ZNF569: variants seen among roughly 807,000 people sequenced by gnomAD.
ZNF569 encodes zinc finger protein 569, also known as DNA-binding protein.
In ZNF569, 38 loss-of-function variants were observed where a neutral mutation model predicts 56.3. The ratio of observed to expected loss-of-function variants is 0.68; its 90% CI spans 0.52 to 0.88. The LOEUF (loss-of-function observed/expected upper bound fraction) is 0.88, where lower values mean the gene tolerates loss of function less well. Among genes scored for constraint, ZNF569 ranks in the 40% least tolerant of loss-of-function variants. The pLI, the probability that ZNF569 is intolerant of heterozygous loss-of-function variation, is 0.00. For missense variants in ZNF569, 666 were observed against 809.2 expected, an observed-to-expected ratio of 0.82 and a Z score of 2.15; for synonymous variants, 241 against 262.9, an observed-to-expected ratio of 0.92 and a Z score of 0.81.
At position 37,441,650 on chromosome 19, in the gene ZNF569, T is replaced by C. The variant is rs550493674; in HGVS notation, c.15+3257A>G. ...CAGCCTGGGTGACAGAGTAAGACCCTGTTTCAAAAAAAAAAAAAGAAGGCA... is the reference window on the plus strand; with the variant it reads ...CAGCCTGGGTGACAGAGTAAGACCCCGTTTCAAAAAAAAAAAAAGAAGGCA... On this transcript the variant is annotated intron_variant, in intron 3 of 5. Transcript: ENST00000316950. Among the ~76,000 whole-genome samples, 350 of 151,218 alleles carry C rather than the reference T, an allele frequency of 2.3e-3. 7 individuals carry two copies. Among genetic ancestry groups the C allele is most frequent in the Middle Eastern group, 3.4e-3 (1 of 294 alleles).
At chr19:37,451,288 T>A (rs2041587743) in intron 2 of ZNF569, among the ~76,000 whole-genome samples, 1 of 151,220 alleles carries the variant, frequency 6.6e-6, no homozygotes, top group Non-Finnish European at 1.5e-5. Context: ...TAATCTCAGC[T>A]ACTCGGGAGG....
chr19:37,422,182 T>G (rs963243204), intron 5 of ZNF569, among the ~76,000 whole-genome samples: 4 of 152,230 alleles, frequency 2.6e-5, no homozygotes, highest in Non-Finnish European at 5.9e-5. Flanking sequence ...AGCTTTTAAT[T>G]TAAAGTGAGA....
At chr19:37,439,914 TAGTG>T (rs1313256714) in intron 3 of ZNF569, among the ~76,000 whole-genome samples, 1 of 152,118 alleles carries the variant, frequency 6.6e-6, no homozygotes, top group Admixed American at 6.6e-5. Context: ...CTAGGAAGGA[TAGTG>T]GGTGGGGGAA....
At chr19:37,423,548 G>A (rs1369083739) in intron 5 of ZNF569, among the ~76,000 whole-genome samples, 1 of 152,036 alleles carries the variant, frequency 6.6e-6, no homozygotes, top group Non-Finnish European at 1.5e-5. Flanking sequence ...TCTCCTATAG[G>A]AACAGATTGT....
chr19:37,461,627 C>T (rs1161776341), intron 2 of ZNF569, among the ~76,000 whole-genome samples: 3 of 152,050 alleles, frequency 2.0e-5, no homozygotes, highest in Non-Finnish European at 4.4e-5. Context: ...TCTCACCTTA[C>T]TTCCTCTAAT....
chr19:37,427,474 T>C (rs1217687749), intron 3 of ZNF569, among the ~76,000 whole-genome samples: 2 of 152,070 alleles, frequency 1.3e-5, no homozygotes, highest in African/African-American at 4.8e-5. Flanking sequence ...GCACTCAGCC[T>C]GGAAAAAAGG....
chr19:37,465,990 A>G (rs2041825838), intron 1 of ZNF569, among the ~76,000 whole-genome samples: 2 of 152,252 alleles, frequency 1.3e-5, no homozygotes, highest in Non-Finnish European at 1.5e-5. Flanking sequence ...TTGTTAAACA[A>G]GAAAGGTTGG....
chr19:37,455,814 GATATAAGGGCTGGACCCACTT>G (rs1457090321), intron 2 of ZNF569, among the ~76,000 whole-genome samples: 1 of 152,114 alleles, frequency 6.6e-6, no homozygotes. Context: ...ATGAAAGAAG[GATATAAGGGCTGGACCCACTT>G]ATATAAGGGC....
intron 2 of ZNF569, among the ~76,000 whole-genome samples, chr19:37,459,283 C>CAA (rs35532078): frequency 1.3e-4 from 19 of 149,162 alleles, no homozygotes; most frequent in South Asian, 4.2e-4. Context: ...AAAACAACAA[C>CAA]AAAAAAAAAC....
At position 37,458,545 on chromosome 19, in the gene ZNF569, G is replaced by A. The variant is rs561727024; in HGVS notation, c.-44+6768C>T. Among the ~76,000 whole-genome samples the A allele has an allele frequency of 7.2e-5, 11 of 152,224 alleles. No homozygotes were observed. In the South Asian group the frequency reaches 1.7e-3, roughly 23 times the overall value. ...ACTTTATCATTTGATTGGGATATCC[G>A]TCTATGTAGATCTATTTGTACTTCT... On this transcript the variant is annotated intron_variant, in intron 2 of 5. Transcript: ENST00000316950.
chr19:37,432,847 T>G (rs1053917756), intron 3 of ZNF569, among the ~76,000 whole-genome samples: 1 of 148,488 alleles, frequency 6.7e-6, no homozygotes, highest in South Asian at 2.1e-4. Flanking sequence ...TTCAAAAGAA[T>G]AGAGCCGAAA....
At chr19:37,442,033 T>C (rs556179276) in intron 3 of ZNF569, among the ~76,000 whole-genome samples, 1 of 152,318 alleles carries the variant, frequency 6.6e-6, no homozygotes, top group East Asian at 1.9e-4. Context: ...GCATTAAAAT[T>C]AGTTTTTTCA....
In ZNF569 at chr19:37,412,671, G is replaced by A; in HGVS notation, c.1987C>T (p.His663Tyr). The change falls in exon 6 of 6, where the codon CAC becomes TAC. Residue 663 changes from histidine to tyrosine, a missense_variant. By Grantham distance (83) the His-to-Tyr change is moderately conservative. Transcript: ENST00000316950. ...MRKHTGEKPY[H>Y]CIECGKAFSQ... ...AAAGCCTTGCCACACTCAATACAGTGATAGGGCTTCTCACCTGTATGTTTT... is the reference window on the plus strand; with the variant it reads ...AAAGCCTTGCCACACTCAATACAGTAATAGGGCTTCTCACCTGTATGTTTT... 6.2e-7 allele frequency: 1 copy of A among 1,614,022 alleles called. No individual in the cohort carries two copies. The highest frequency in any genetic ancestry group is 1.1e-5 in the South Asian group (1 of 91,058).
At chr19:37,427,966 T>C (rs1335814193) in intron 3 of ZNF569, among the ~76,000 whole-genome samples, 2 of 152,180 alleles carry the variant, frequency 1.3e-5, no homozygotes, top group Non-Finnish European at 2.9e-5. Context: ...CTGCAGACTT[T>C]TTCCTCAGGA....
intron 3 of ZNF569, among the ~76,000 whole-genome samples, chr19:37,441,174 A>C (rs1313382239): frequency 1.3e-5 from 2 of 152,224 alleles, no homozygotes; most frequent in Non-Finnish European, 2.9e-5. Context: ...GAGGAAACAA[A>C]GGCCTTGAAG....
At chr19:37,447,295 A>C (rs1002466439) in intron 2 of ZNF569, among the ~76,000 whole-genome samples, 3 of 152,226 alleles carry the variant, frequency 2.0e-5, no homozygotes, top group Non-Finnish European at 4.4e-5. Flanking sequence ...TTGCACATGC[A>C]TGTTTATAGC....
intron 2 of ZNF569, among the ~76,000 whole-genome samples, chr19:37,448,147 A>G (rs563650855): frequency 2.0e-5 from 3 of 152,282 alleles, no homozygotes; most frequent in East Asian, 3.9e-4. Flanking sequence ...GTTTGTATAG[A>G]ATCATTAGAA....
intron 2 of ZNF569, among the ~76,000 whole-genome samples, chr19:37,447,720 T>C (rs543176967): frequency 1.3e-5 from 2 of 152,348 alleles, no homozygotes; most frequent in East Asian, 3.9e-4. Context: ...TTAACTGTAA[T>C]GTAGCTCTAG....
intron 2 of ZNF569, among the ~76,000 whole-genome samples, chr19:37,446,379 C>T (rs1465631856): frequency 6.6e-6 from 1 of 151,882 alleles, no homozygotes; most frequent in Non-Finnish European, 1.5e-5. Flanking sequence ...GAAACCCCGT[C>T]TCTACTAAAA....
Sources: allele counts gnomAD v4.1 joint callset (sites outside exome capture counted in the v4.1 genomes callset), GRCh38; gene constraint gnomAD v4.1.1; transcripts MANE v1.5; gene names NCBI Gene and HGNC (gene_info 2026-07-23, HGNC 2026-07-21).